The following PCBP3 variants were observed in gnomAD, a reference collection of about 807,000 sequenced individuals.
PCBP3 encodes the protein poly(rC)-binding protein 3.
PCBP3 carries 25 observed loss-of-function variants against 52.7 expected under a neutral mutation model. The observed-to-expected ratio is 0.47, with a 90% CI of 0.35 to 0.66. The LOEUF is 0.66. PCBP3 is among the 30% of genes least tolerant of loss of function. The pLI is 0.01. For synonymous variants in PCBP3, 162 were observed against 183.0 expected (o/e 0.89, Z 0.93); for missense variants, 391 against 490.3 (o/e 0.80, Z 1.91).
intron 2 of PCBP3, among the ~76,000 whole-genome samples, chr21:45,729,269 C>T (rs1476986610): frequency 1.3e-5 from 2 of 152,206 alleles, no homozygotes; most frequent in African/African-American, 2.4e-5. Context: ...CAGAATACTC[C>T]ACTGATGCCT....
At chr21:45,719,238 T>C (rs940956921) in intron 2 of PCBP3, among the ~76,000 whole-genome samples, 3 of 152,096 alleles carry the variant, frequency 2.0e-5, no homozygotes, top group African/African-American at 4.8e-5. Flanking sequence ...GGGAAGGGGC[T>C]TCTCAGTGGA....
rs137947748 is a variant in PCBP3, at chr21:45,935,726, A to T, written c.909+421A>T. On this transcript the variant is annotated intron_variant, in intron 16 of 17. Transcript: ENST00000681687. Reference sequence around the variant, plus strand: ...CTCAGGAGGTTTGGGATTCTCCATGAGTTGGCTCCAACAGACTTGAAGCTG... The same window carrying T: ...CTCAGGAGGTTTGGGATTCTCCATGTGTTGGCTCCAACAGACTTGAAGCTG... Among the ~76,000 whole-genome samples, 375 of 152,320 alleles carry T rather than the reference A, an allele frequency of 2.5e-3. 4 individuals are homozygous for T. Among genetic ancestry groups the T allele is most frequent in the Admixed American group, 5.6e-3 (85 of 15,312 alleles).
Position 45,741,224 on chromosome 21 carries a change from T to C in PCBP3, c.-162+5795T>C, listed in dbSNP as rs978671149. ...GATGTCGGGATGAGTGGGTCTGCAG[T>C]GGTCGGCCCCATGGCTAGGAGTTTG... On this transcript the variant is annotated intron_variant, in intron 3 of 17. Coordinates refer to ENST00000681687, the MANE Select transcript of PCBP3 (RefSeq NM_001384156.1). The surrounding 1 kb of genome is among the most constrained non-coding windows in gnomAD (Gnocchi z 4.5). 1.3e-5 allele frequency among the ~76,000 whole-genome samples: 2 copies of C among 152,144 alleles called. No homozygotes were observed. The highest frequency in any genetic ancestry group is 2.9e-5 in the Non-Finnish European group (2 of 68,022).
At chr21:45,798,319 G>A (rs113437912) in intron 4 of PCBP3, among the ~76,000 whole-genome samples, 504 of 44,394 alleles carry the variant, frequency 0.011, 5 homozygotes, top group African/African-American at 0.036. Context: ...GAATGTATGC[G>A]TACATGGATG....
intron 4 of PCBP3, among the ~76,000 whole-genome samples, chr21:45,841,823 A>C (rs1241945879): frequency 2.0e-5 from 3 of 152,222 alleles, no homozygotes; most frequent in Admixed American, 2.0e-4. Context: ...TATTACGGTG[A>C]AATATGTTTG....
chr21:45,819,174 C>T (rs1462150226), intron 4 of PCBP3, among the ~76,000 whole-genome samples: 2 of 152,134 alleles, frequency 1.3e-5, no homozygotes, highest in African/African-American at 4.8e-5. Flanking sequence ...TGGTGATGTG[C>T]CCACATGGGT....
intron 1 of PCBP3, among the ~76,000 whole-genome samples, chr21:45,646,847 C>T (rs1233042768): frequency 1.3e-5 from 2 of 152,202 alleles, no homozygotes; most frequent in South Asian, 4.1e-4. Context: ...GTTTTGCATT[C>T]TCCAGCATGT....
At chr21:45,809,779 G>A (rs1469338884) in intron 4 of PCBP3, among the ~76,000 whole-genome samples, 1 of 152,226 alleles carries the variant, frequency 6.6e-6, no homozygotes, top group African/African-American at 2.4e-5. Context: ...GCCAACTGAT[G>A]AGGTTTGGGG....
At chr21:45,849,182 AG>A (rs1259051656) in intron 4 of PCBP3, among the ~76,000 whole-genome samples, 2 of 149,046 alleles carry the variant, frequency 1.3e-5, no homozygotes, top group African/African-American at 4.9e-5. Flanking sequence ...TTTTCTCCCA[AG>A]GTTCCAAATA....
At chr21:45,854,449 C>T (rs1470305004) in intron 5 of PCBP3, among the ~76,000 whole-genome samples, 1 of 152,142 alleles carries the variant, frequency 6.6e-6, no homozygotes, top group Non-Finnish European at 1.5e-5. Flanking sequence ...ACCCAGGATC[C>T]TACTCTCTGT....
At position 45,941,711 on chromosome 21, in the gene PCBP3, A is replaced by G. The variant is rs754220871; in HGVS notation, c.*5A>G. On this transcript the variant is annotated 3_prime_UTR_variant, in exon 18 of 18. Coordinates refer to ENST00000681687, the MANE Select transcript of PCBP3 (RefSeq NM_001384156.1). ...ACCGGGATGGGCACGCTGTAATCCT[A>G]CCCAGCACCCTTCCCCCGCGTCACC... 10 of 1,601,884 alleles carry G rather than the reference A, an allele frequency of 6.2e-6. No individual in the cohort carries two copies. Among genetic ancestry groups the G allele is most frequent in the Non-Finnish European group, 6.8e-6 (8 of 1,174,026 alleles).
At chr21:45,729,259 C>T (rs1248454521) in intron 2 of PCBP3, among the ~76,000 whole-genome samples, 1 of 152,202 alleles carries the variant, frequency 6.6e-6, no homozygotes, top group Non-Finnish European at 1.5e-5. Context: ...TTGATGTCTG[C>T]AGAATACTCC....
intron 1 of PCBP3, among the ~76,000 whole-genome samples, chr21:45,664,015 T>G (rs2080599889): frequency 2.5e-5 from 1 of 39,914 alleles, no homozygotes; most frequent in Non-Finnish European, 6.7e-5. Context: ...TTTTTCTTTT[T>G]TTTTCTTTTT....
At chr21:45,876,069 C>T (rs1340108486) in intron 5 of PCBP3, among the ~76,000 whole-genome samples, 1 of 152,206 alleles carries the variant, frequency 6.6e-6, no homozygotes, top group Non-Finnish European at 1.5e-5. Context: ...CTGCGTTCAG[C>T]TTCCCACTAA....
At position 45,917,572 on chromosome 21, in the gene PCBP3, C is replaced by G. The variant is rs1296859582; in HGVS notation, c.676-16C>G. 2.7e-5 allele frequency: 29 copies of G among 1,092,364 alleles called. No individual in the cohort carries two copies. The highest frequency in any genetic ancestry group is 3.5e-5 in the Non-Finnish European group (28 of 793,052). The allele number at this position is 1,092,364 out of a possible 1,614,324, so 67.7% of individuals were successfully genotyped here. A position where few individuals can be genotyped will look rare whatever the true frequency, so the allele number is the denominator to read the frequency against. On this transcript the variant is annotated splice_polypyrimidine_tract_variant and intron_variant, in intron 12 of 17. Transcript: ENST00000681687. This position sits in a 1 kb window ranked among gnomAD's most constrained non-coding sequence, Gnocchi z 5.3. ...CAGCCAGGTTGCAGTCTGACGGGGTCTCTCTCTCTCTCTAGGCCTACACAA... is the reference window on the plus strand; with the variant it reads ...CAGCCAGGTTGCAGTCTGACGGGGTGTCTCTCTCTCTCTAGGCCTACACAA...
chr21:45,742,384 C>T (rs926093103), intron 3 of PCBP3, among the ~76,000 whole-genome samples: 2 of 152,234 alleles, frequency 1.3e-5, no homozygotes, highest in Admixed American at 6.5e-5. Context: ...TGCAGAAGCA[C>T]ACTGAACACA....
At chr21:45,861,073 C>T (rs2094493379) in intron 5 of PCBP3, among the ~76,000 whole-genome samples, 1 of 152,348 alleles carries the variant, frequency 6.6e-6, no homozygotes, top group Admixed American at 6.5e-5. Flanking sequence ...CCTCCTGCCT[C>T]TGGGCTGCTC....
At chr21:45,874,220 T>G (rs2095157000) in intron 5 of PCBP3, among the ~76,000 whole-genome samples, 1 of 152,252 alleles carries the variant, frequency 6.6e-6, no homozygotes, top group Non-Finnish European at 1.5e-5. Context: ...CACTTTGACC[T>G]TTTTCCTCAG....
At chr21:45,813,212 C>CT (rs924541223) in intron 4 of PCBP3, among the ~76,000 whole-genome samples, 98 of 152,074 alleles carry the variant, frequency 6.4e-4, no homozygotes, top group Middle Eastern at 3.4e-3. Context: ...TATTTTTAAG[C>CT]TTTTTTTTAT....
Sources: allele counts gnomAD v4.1 joint callset (sites outside exome capture counted in the v4.1 genomes callset), GRCh38; gene constraint gnomAD v4.1.1; non-coding constraint Gnocchi (gnomAD v3.1); transcripts MANE v1.5; gene names NCBI Gene and HGNC (gene_info 2026-07-23, HGNC 2026-07-21).